The following PSD3 variants were observed in gnomAD, a reference collection of about 807,000 sequenced individuals.
The protein encoded by PSD3 is PH and SEC7 domain-containing protein 3.
Under a neutral mutation model 105.5 loss-of-function variants are expected in PSD3, and 49 were observed. The ratio of observed to expected loss-of-function variants is 0.46; its 90% CI spans 0.37 to 0.59. PSD3 has a LOEUF of 0.59. Among genes scored for constraint, PSD3 ranks in the 20% least tolerant of loss-of-function variants. PSD3 has a pLI of 0.00. For missense variants in PSD3, 1,561 were observed against 1,263.8 expected, an observed-to-expected ratio of 1.24 and a Z score of -3.57; for synonymous variants, 557 against 457.8, an observed-to-expected ratio of 1.22 and a Z score of -2.77.
At chr8:18,685,476 T>C (rs1487795389) in intron 9 of PSD3, among the ~76,000 whole-genome samples, 1 of 152,114 alleles carries the variant, frequency 6.6e-6, no homozygotes, top group Non-Finnish European at 1.5e-5. Flanking sequence ...TATTGTGCTA[T>C]AAAGAAGACG....
intron 9 of PSD3, among the ~76,000 whole-genome samples, chr8:18,666,447 C>A (rs1184224346): frequency 1.3e-5 from 2 of 152,210 alleles, no homozygotes; most frequent in African/African-American, 4.8e-5. Flanking sequence ...TAGAACTGAA[C>A]CTGTAGTATC....
chr8:19,063,830 C>A (rs1204290595), intron 1 of PSD3, among the ~76,000 whole-genome samples: 13 of 151,920 alleles, frequency 8.6e-5, no homozygotes, highest in Admixed American at 8.5e-4. Flanking sequence ...TTCCTTGAAG[C>A]CTTAGATACA....
At chr8:18,605,271 A>C (rs950544948) in intron 11 of PSD3, among the ~76,000 whole-genome samples, 1 of 152,120 alleles carries the variant, frequency 6.6e-6, no homozygotes, top group African/African-American at 2.4e-5. Context: ...CCCTCATACC[A>C]GTGTGCCCTG....
At chr8:18,814,032 G>C (rs12544572) in intron 4 of PSD3, among the ~76,000 whole-genome samples, 9,601 of 152,222 alleles carry the variant, frequency 0.063, 414 homozygotes, top group South Asian at 0.16. Context: ...GGAATACTTA[G>C]GACAAACGTC....
chr8:18,753,843 A>G (rs1249223669), intron 9 of PSD3, among the ~76,000 whole-genome samples: 2 of 152,162 alleles, frequency 1.3e-5, no homozygotes, highest in Non-Finnish European at 2.9e-5. Flanking sequence ...TACATCCATT[A>G]CTTTGCAGTG....
intron 2 of PSD3, among the ~76,000 whole-genome samples, chr8:18,886,012 T>G (rs891378450): frequency 1.1e-4 from 16 of 152,132 alleles, no homozygotes; most frequent in Non-Finnish European, 1.9e-4. Context: ...GGCACACAGA[T>G]GGAAAGCAGT....
intron 4 of PSD3, among the ~76,000 whole-genome samples, chr8:18,856,686 A>G (rs1006529733): frequency 3.3e-5 from 5 of 152,216 alleles, no homozygotes; most frequent in African/African-American, 9.6e-5. Flanking sequence ...TATAAAGACA[A>G]TAAAAGAAAC....
intron 4 of PSD3, among the ~76,000 whole-genome samples, chr8:18,840,267 G>A (rs1476326835): frequency 2.0e-5 from 3 of 152,176 alleles, no homozygotes; most frequent in African/African-American, 7.2e-5. Flanking sequence ...TAATAGGTGG[G>A]GAAGTTGTGT....
At chr8:18,775,791 T>C (rs1282707316) in intron 8 of PSD3, among the ~76,000 whole-genome samples, 3 of 152,222 alleles carry the variant, frequency 2.0e-5, no homozygotes, top group Non-Finnish European at 2.9e-5. Flanking sequence ...ATCTTCACTT[T>C]GTTGATTATT....
chr8:19,017,043 C>G (rs1827200469), upstream of PSD3, among the ~76,000 whole-genome samples: 1 of 139,252 alleles, frequency 7.2e-6, no homozygotes, highest in Admixed American at 8.6e-5. Context: ...AGTATTTTGG[C>G]TACATACTTT....
intron 1 of PSD3, among the ~76,000 whole-genome samples, chr8:18,970,455 T>C (rs1824578769): frequency 6.6e-6 from 1 of 151,508 alleles, no homozygotes; most frequent in African/African-American, 2.4e-5. Flanking sequence ...TCCCTAAAGG[T>C]CTGGAAAAAC....
At chr8:18,780,439 T>A (rs922693724) in intron 8 of PSD3, among the ~76,000 whole-genome samples, 1 of 152,180 alleles carries the variant, frequency 6.6e-6, no homozygotes, top group African/African-American at 2.4e-5. Flanking sequence ...CAGTACTTAA[T>A]TCCTGTCATT....
At chr8:18,869,303 C>A (rs1213992418) in intron 3 of PSD3, among the ~76,000 whole-genome samples, 1 of 151,326 alleles carries the variant, frequency 6.6e-6, no homozygotes, top group South Asian at 2.1e-4. Flanking sequence ...GACTCTCCTG[C>A]CTCAGACTCT....
intron 9 of PSD3, among the ~76,000 whole-genome samples, chr8:18,669,484 G>C (rs1171365117): frequency 6.6e-6 from 1 of 152,200 alleles, no homozygotes; most frequent in African/African-American, 2.4e-5. Context: ...AGTAAAATAA[G>C]GGTGACTTGA....
chr8:18,825,963 T>C (rs1813148100), intron 4 of PSD3, among the ~76,000 whole-genome samples: 1 of 152,112 alleles, frequency 6.6e-6, no homozygotes, highest in Admixed American at 6.6e-5. Flanking sequence ...CTGGGTGTGT[T>C]TGTGAGGCTG....
intron 12 of PSD3, among the ~76,000 whole-genome samples, chr8:18,575,842 G>C (rs952154202): frequency 6.6e-6 from 1 of 152,068 alleles, no homozygotes; most frequent in East Asian, 1.9e-4. Context: ...TCTGCTGAAA[G>C]AAAAGAGGAA....
At chr8:18,700,851 C>T (rs1801536104) in intron 9 of PSD3, among the ~76,000 whole-genome samples, 2 of 152,210 alleles carry the variant, frequency 1.3e-5, no homozygotes, top group South Asian at 4.1e-4. Flanking sequence ...TCCTGTGATA[C>T]AGCCTTGGAA....
At chr8:18,936,281 C>G in intron 1 of PSD3, 139 bp from the exon 2 acceptor site, 2 of 592,614 alleles carry the variant, frequency 3.4e-6, no homozygotes, top group Non-Finnish European at 6.0e-6. Context: ...CAAAATGAAA[C>G]ATGAAAAGTG....
chr8:18,623,448 C>CAAAAAAA lies in PSD3; in HGVS notation c.2410+9158_2410+9164dup, dbSNP rs1415289898. 2.1e-3 allele frequency among the ~76,000 whole-genome samples: 136 copies of CAAAAAAA among 64,928 alleles called. 17 individuals are homozygous for CAAAAAAA. Among genetic ancestry groups the CAAAAAAA allele is most frequent in the Non-Finnish European group, 2.4e-3 (82 of 33,984 alleles). The allele number at this position is 64,928 out of a possible 152,430, so 42.6% of individuals were successfully genotyped here. ...GCAATATAGTCAGCCCCCGTCTCCC[C>CAAAAAAA]AAAAAAAAAAAAAAAAAAAAAAGAA... is the stretch of plus-strand genomic sequence containing the variant. On this transcript the variant is annotated intron_variant, in intron 11 of 15. Transcript: ENST00000327040.
Sources: allele counts gnomAD v4.1 joint callset (sites outside exome capture counted in the v4.1 genomes callset), GRCh38; gene constraint gnomAD v4.1.1; transcripts MANE v1.5; gene names NCBI Gene and HGNC (gene_info 2026-07-23, HGNC 2026-07-21).